MAN2A2: variants seen among roughly 807,000 people sequenced by gnomAD.
The protein encoded by MAN2A2 is mannosidase alpha class 2A member 2.
Under a neutral mutation model 126.8 loss-of-function variants are expected in MAN2A2, and 79 were observed. That is an observed-to-expected ratio of 0.62 (90% confidence interval 0.52 to 0.75). MAN2A2 has a LOEUF of 0.75. Among genes scored for constraint, MAN2A2 ranks in the 30% least tolerant of loss-of-function variants. MAN2A2 has a pLI of 0.00. For synonymous variants in MAN2A2, 671 were observed against 618.7 expected, an observed-to-expected ratio of 1.08 and a Z score of -1.25; for missense variants, 1,392 against 1,522.4, an observed-to-expected ratio of 0.91 and a Z score of 1.43.
At position 90,912,322 on chromosome 15, in the gene MAN2A2, G is replaced by A. The variant is rs755207118; in HGVS notation, c.2346+43G>A. 5.0e-6 allele frequency: 8 copies of A among 1,603,854 alleles called. No individual in the cohort carries two copies. The Admixed American group carries it at 1.3e-4, about 27-fold the overall frequency. On this transcript the variant is annotated intron_variant, in intron 15 of 22. Transcript: ENST00000559717. ...TGGGGAAGGGCCAGGGGCCAGAGTA[G>A]GGCGTGTGTGGTGGTGGCACTGTGC...
At chr15:90,909,175 C>T (rs1205793276) in intron 8 of MAN2A2, 152 bp from the exon 9 acceptor site, 4 of 632,210 alleles carry the variant, frequency 6.3e-6, no homozygotes, top group Non-Finnish European at 8.0e-6. Flanking sequence ...TCCCCTGGGG[C>T]TGGGATTCAT....
chr15:90,910,701 T>C lies in MAN2A2; in HGVS notation c.1760+18T>C. ...GGGGTCAGGTGGGAGCCTTCTCTTT[T>C]CCCTTGTAAGCTCCCCTGCTCACTG... On this transcript the variant is annotated intron_variant, in intron 11 of 22. Transcript: ENST00000559717. 1.2e-6 allele frequency: 2 copies of C among 1,612,776 alleles called. No homozygotes were observed. Among genetic ancestry groups the C allele is most frequent in the Non-Finnish European group, 1.7e-6 (2 of 1,179,744 alleles).
At chr15:90,909,882 C>T (rs1052120625) in intron 9 of MAN2A2, among the ~76,000 whole-genome samples, 2 of 152,170 alleles carry the variant, frequency 1.3e-5, no homozygotes, top group South Asian at 2.1e-4. Flanking sequence ...GGATTACAGG[C>T]GTGAGCCACC....
chr15:90,922,281 G>C lies in MAN2A2; in HGVS notation c.*2494G>C, dbSNP rs2035577013. On this transcript the variant is annotated 3_prime_UTR_variant, in exon 23 of 23. Transcript: ENST00000559717. ...CTGCCAAGCTGCCACCTAAAGACAA[G>C]AGTGAGAGGGCTGAGTTCTTCCAGG... The C allele has an allele frequency of 6.6e-6, 1 of 152,218 alleles. No individual in the cohort carries two copies. The highest frequency in any genetic ancestry group is 6.5e-5 in the Admixed American group (1 of 15,274). 9.4% of individuals were successfully genotyped at this position (152,218 alleles called of 1,614,324 possible). A position where few individuals can be genotyped will look rare whatever the true frequency, so the allele number is the denominator to read the frequency against.
chr15:90,911,724 T>A, intron 14 of MAN2A2, 174 bp downstream of exon 14: 1 of 714,340 alleles, frequency 1.4e-6, no homozygotes, highest in Non-Finnish European at 2.3e-6. Flanking sequence ...GATTTGAGCG[T>A]GTCCTTGAAA....
rs768714208 is a variant in MAN2A2 at position 90,905,857 on chromosome 15, C to A, written c.548C>A (p.Thr183Asn). ...ATTGGCTCCCTAGGCTGGATCAAGA[C>A]CTTTGACAAGTACTACACAGAGCAG... ...HSHNDPGWIK[T>N]FDKYYTEQTQ... is the part of the protein sequence containing the mutation. Residue 183 changes from threonine to asparagine, a missense_variant, in exon 5 of 23, where the codon ACC becomes AAC. Transcript: ENST00000559717. 2 of 1,576,614 alleles carry A rather than the reference C, an allele frequency of 1.3e-6. No individual in the cohort carries two copies. Among genetic ancestry groups the A allele is most frequent in the East Asian group, 4.7e-5 (2 of 42,988 alleles).
In MAN2A2 at chr15:90,905,604, C is replaced by T. The variant is rs199747893; in HGVS notation, c.416C>T (p.Pro139Leu). The T allele has an allele frequency of 9.9e-6, 16 of 1,614,158 alleles. No homozygotes were observed. In the African/African-American group the frequency reaches 1.1e-4, roughly 11 times the overall value. Residue 139 changes from proline to leucine, a missense_variant, in exon 4 of 23, where the codon CCG (proline) becomes CTG (leucine). Physicochemically the swap from Pro to Leu is moderately conservative, Grantham distance 98. Transcript: ENST00000559717. Reference protein sequence around the residue: ...LQMLTVSEELPFDNVDGGVWR... With the variant: ...LQMLTVSEELLFDNVDGGVWR... ...ATGCTCACTGTGTCGGAGGAGCTGCCGTTTGACAACGTGGATGGTGGTGTG... is the reference window on the plus strand; with the variant it reads ...ATGCTCACTGTGTCGGAGGAGCTGCTGTTTGACAACGTGGATGGTGGTGTG...
At position 90,919,960 on chromosome 15, in the gene MAN2A2, A is replaced by G; in HGVS notation, c.*173A>G. The G allele has an allele frequency of 1.4e-6, 1 of 740,364 alleles. No individual in the cohort carries two copies. The highest frequency in any genetic ancestry group is 1.9e-5 in the South Asian group (1 of 53,620). 45.9% of individuals were successfully genotyped at this position (740,364 alleles called of 1,614,324 possible). A position where few individuals can be genotyped will look rare whatever the true frequency, so the allele number is the denominator to read the frequency against. On this transcript the variant is annotated 3_prime_UTR_variant, in exon 23 of 23. Coordinates refer to ENST00000559717, the MANE Select transcript of MAN2A2 (RefSeq NM_006122.4). ...TGCTGCTGTGTTTTCGGCGCAACCC[A>G]CAAACCCAGTGATGGGTAAATAGGG...
At chr15:90,918,586 T>C (rs1194925637) in intron 21 of MAN2A2, 59 bp from the exon 22 acceptor site, 5 of 1,310,806 alleles carry the variant, frequency 3.8e-6, no homozygotes, top group Non-Finnish European at 5.5e-6. Context: ...GAGGCGCTGC[T>C]GCATCTCCGA....
chr15:90,911,545 T>C lies in MAN2A2; in HGVS notation c.2104T>C (p.Tyr702His), dbSNP rs1341528626. 5 of 1,611,014 alleles carry C rather than the reference T, an allele frequency of 3.1e-6. No individual in the cohort carries two copies. The highest frequency in any genetic ancestry group is 4.2e-6 in the Non-Finnish European group (5 of 1,178,810). The change falls in exon 14 of 23, where the codon TAC becomes CAC. Residue 702 changes from tyrosine (Y) to histidine (H), a missense_variant. Tyr to His is a moderately conservative substitution (Grantham distance 83). Coordinates refer to ENST00000559717, the MANE Select transcript of MAN2A2 (RefSeq NM_006122.4). ...SSATEAVPDV[Y>H]QVSVPVRLPA... ...TGCCACCGAGGCGGTCCCTGACGTC[T>C]ACCAGGTGAGGTGTGGGCTTGTCAG...
chr15:90,912,388 C>T (rs6496737), intron 15 of MAN2A2, 109 bp downstream of exon 15: 440,882 of 1,551,478 alleles, frequency 0.28, 65,107 homozygotes, highest in East Asian at 0.56. Context: ...GCCACCTGAC[C>T]CACAGTGGAC....
At chr15:90,910,982 C>T (rs1249616308) in intron 12 of MAN2A2, 21 bp downstream of exon 12, 1 of 1,594,434 alleles carries the variant, frequency 6.3e-7, no homozygotes, top group East Asian at 2.2e-5. Context: ...CCTGGGTCTG[C>T]ATGGGGACCC....
In MAN2A2 at chr15:90,909,336, G is replaced by T. The variant is rs148266546; in HGVS notation, c.1206G>T (p.Leu402=). The T allele has an allele frequency of 1.9e-6, 3 of 1,610,020 alleles. No individual in the cohort carries two copies. Among genetic ancestry groups the T allele is most frequent in the Non-Finnish European group, 2.5e-6 (3 of 1,176,954 alleles). Residue 402 remains leucine (L), a synonymous_variant, in exon 9 of 23, where the codon CTG becomes CTT. Coordinates refer to ENST00000559717, the MANE Select transcript of MAN2A2 (RefSeq NM_006122.4). ...TTTTTTCCTGCCCCAGGGCAGCCCTGCTTCTGGACCAATACCGGAAGAAGT... is the reference window on the plus strand; with the variant it reads ...TTTTTTCCTGCCCCAGGGCAGCCCTTCTTCTGGACCAATACCGGAAGAAGT... The part of the protein sequence containing the change: ...TEANVAERAA[L]LLDQYRKKSQ...
intron 22 of MAN2A2, 121 bp downstream of exon 22, chr15:90,918,876 G>C (rs1223524763): frequency 1.4e-6 from 1 of 723,368 alleles, no homozygotes; most frequent in Non-Finnish European, 2.3e-6. Flanking sequence ...CTGGAGAGAA[G>C]GGGGGAAGCT....
rs2034656127 is a variant in MAN2A2 at position 90,910,678 on chromosome 15, G to A, written c.1755G>A (p.Gly585=). 1.2e-6 allele frequency: 2 copies of A among 1,613,898 alleles called. No homozygotes were observed. The highest frequency in any genetic ancestry group is 1.7e-6 in the Non-Finnish European group (2 of 1,180,006). The part of the protein sequence containing the change: ...TAKEAVVVDY[G]VRLLRSLVNL... Reference sequence around the variant, plus strand: ...AGGAGGCTGTGGTGGTGGACTATGGGGTCAGGTGGGAGCCTTCTCTTTTCC... The same window carrying A: ...AGGAGGCTGTGGTGGTGGACTATGGAGTCAGGTGGGAGCCTTCTCTTTTCC... Residue 585 remains glycine, a synonymous_variant, in exon 11 of 23, where the codon GGG becomes GGA. Transcript: ENST00000559717.
chr15:90,919,704 T>C lies in MAN2A2; in HGVS notation c.3370T>C (p.Tyr1124His). 1 of 1,614,218 alleles carries C rather than the reference T, an allele frequency of 6.2e-7. No homozygotes were observed. The highest frequency in any genetic ancestry group is 8.5e-7 in the Non-Finnish European group (1 of 1,180,022). The change falls in exon 23 of 23, where the codon TAC becomes CAC. Residue 1124 changes from tyrosine (Y) to histidine (H), a missense_variant. Transcript: ENST00000559717. Reference protein sequence around the residue: ...FLQPTSLTLLYPLASPSNSTD... With the variant: ...FLQPTSLTLLHPLASPSNSTD... ...TCAGCCAACCTCCTTGACGTTACTG[T>C]ACCCTCTGGCCTCCCCGTCCAACAG...
At chr15:90,905,177 C>G in intron 2 of MAN2A2, 74 bp from the exon 3 acceptor site, 1 of 1,537,584 alleles carries the variant, frequency 6.5e-7, no homozygotes, top group Non-Finnish European at 8.8e-7. Context: ...CAGGCCTCAG[C>G]TGGTAGACCC....
chr15:90,905,813 C>T, intron 4 of MAN2A2, 32 bp from the exon 5 acceptor site: 1 of 1,579,450 alleles, frequency 6.3e-7, no homozygotes, highest in Non-Finnish European at 8.6e-7. Flanking sequence ...AAGATGGTGG[C>T]ATCCTCAGGG....
rs963920905 is a variant in MAN2A2 at position 90,912,895 on chromosome 15, C to T, written c.2488C>T (p.Pro830Ser). ...GEAKPYVPKE[P>S]PVLRVTEGPF... ...TCTCTAGCCCTACGTCCCCAAGGAG[C>T]CCCCCGTGCTGCGTGTCACTGAAGG... Residue 830 changes from proline (P) to serine (S), a missense_variant, in exon 17 of 23, where the codon CCC becomes TCC. Pro to Ser is a moderately conservative substitution (Grantham distance 74). Coordinates refer to ENST00000559717, the MANE Select transcript of MAN2A2 (RefSeq NM_006122.4). 76 of 1,613,334 alleles carry T rather than the reference C, an allele frequency of 4.7e-5. No individual in the cohort carries two copies. The highest frequency in any genetic ancestry group is 6.0e-5 in the Non-Finnish European group (71 of 1,179,544).
Sources: allele counts gnomAD v4.1 joint callset (sites outside exome capture counted in the v4.1 genomes callset), GRCh38; gene constraint gnomAD v4.1.1; transcripts MANE v1.5; gene names NCBI Gene and HGNC (gene_info 2026-07-23, HGNC 2026-07-21).